Variants in SLC47A2 observed in about 807,000 individuals in gnomAD.
SLC47A2 encodes solute carrier family 47 member 2.
A neutral mutation model predicts 67.7 loss-of-function variants in SLC47A2; 52 were observed. The observed-to-expected ratio is 0.77, with a 90% CI of 0.61 to 0.97. The LOEUF is 0.97. Ranked by LOEUF, SLC47A2 falls within the 50% of genes least tolerant of loss-of-function variation. SLC47A2 has a pLI of 0.00. For missense variants in SLC47A2, 676 were observed against 712.3 expected (o/e 0.95, Z 0.58); for synonymous variants, 278 against 292.9 (o/e 0.95, Z 0.52).
At chr17:19,696,779 A>G (rs539287083) in intron 13 of SLC47A2, among the ~76,000 whole-genome samples, 2 of 152,306 alleles carry the variant, frequency 1.3e-5, no homozygotes, top group East Asian at 3.9e-4. Context: ...ATAACATAAT[A>G]CCCTAGACTG....
chr17:19,689,438 T>A (rs1217789902), intron 13 of SLC47A2, among the ~76,000 whole-genome samples: 36 of 152,326 alleles, frequency 2.4e-4, no homozygotes, highest in Admixed American at 5.9e-4. Flanking sequence ...GGCTTATGCC[T>A]GTAATCCTAG....
At chr17:19,702,261 G>A in intron 13 of SLC47A2, 1 of 985,356 alleles carries the variant, frequency 1.0e-6, no homozygotes, top group Non-Finnish European at 1.2e-6. Flanking sequence ...GGATATGGTT[G>A]CCATTCAGCT....
intron 4 of SLC47A2, among the ~76,000 whole-genome samples, chr17:19,713,417 ATCATC>A (rs1567637611): frequency 4.7e-5 from 7 of 149,162 alleles, no homozygotes; most frequent in African/African-American, 1.8e-4. Context: ...AATAATAATC[ATCATC>A]ATCATCATCA....
intron 13 of SLC47A2, among the ~76,000 whole-genome samples, chr17:19,684,110 G>C (rs985749777): frequency 1.3e-5 from 2 of 152,166 alleles, no homozygotes; most frequent in Non-Finnish European, 2.9e-5. Context: ...ATGGAGTCTT[G>C]CTATGTTACC....
At position 19,685,664 on chromosome 17, in the gene SLC47A2, C is replaced by T. The variant is rs1479031905; in HGVS notation, c.1165-3994G>A. Among the ~76,000 whole-genome samples the T allele has an allele frequency of 1.3e-5, 2 of 152,274 alleles. No individual in the cohort carries two copies. The highest frequency in any genetic ancestry group is 2.4e-5 in the African/African-American group (1 of 41,556). ...AAGTACCCAGGGACACAAACAGGGC[C>T]GAAGGCCGCAGGGACCTCTGCCTAG... On this transcript the variant is annotated intron_variant, in intron 13 of 16. Coordinates refer to ENST00000433844, the MANE Select transcript of SLC47A2 (RefSeq NM_001099646.3). This position sits in a 1 kb window ranked among gnomAD's most constrained non-coding sequence, Gnocchi z 4.5.
intron 13 of SLC47A2, among the ~76,000 whole-genome samples, chr17:19,698,318 A>G (rs2085710541): frequency 6.6e-6 from 1 of 152,114 alleles, no homozygotes; most frequent in Non-Finnish European, 1.5e-5. Flanking sequence ...ACTTTCATAC[A>G]TGTTAGCTCA....
In SLC47A2 at chr17:19,708,385, G is replaced by A. The variant is rs943370411; in HGVS notation, c.546C>T (p.Pro182=). The A allele has an allele frequency of 3.1e-6, 5 of 1,613,956 alleles. No individual in the cohort carries two copies. In the African/African-American group the frequency reaches 6.7e-5, roughly 22 times the overall value. The change falls in exon 7 of 17, where the codon CCC becomes CCT. Residue 182 remains proline (P), a synonymous_variant. Coordinates refer to ENST00000433844, the MANE Select transcript of SLC47A2 (RefSeq NM_001099646.3). ...TGCCCACCACACCACTGAGGACTTGGGGCCAGGTGATCTTCTGAAATAAAT... is the reference window on the plus strand; with the variant it reads ...TGCCCACCACACCACTGAGGACTTGAGGCCAGGTGATCTTCTGAAATAAAT... ...KYLQNQKITW[P]QVLSGVVGNC...
chr17:19,703,583 C>T (rs934262083), intron 11 of SLC47A2, among the ~76,000 whole-genome samples: 4 of 152,324 alleles, frequency 2.6e-5, no homozygotes, highest in East Asian at 1.9e-4. Context: ...ACAGGGAAGC[C>T]GGTCTGAGCC....
intron 15 of SLC47A2, among the ~76,000 whole-genome samples, chr17:19,680,643 T>C (rs1158367961): frequency 1.3e-5 from 2 of 152,146 alleles, no homozygotes; most frequent in African/African-American, 4.8e-5. Context: ...GTGCCTTTGC[T>C]GTGCCTGAGA....
intron 13 of SLC47A2, among the ~76,000 whole-genome samples, chr17:19,688,660 TG>T (rs2152341958): frequency 6.6e-6 from 1 of 152,156 alleles, no homozygotes; most frequent in Non-Finnish European, 1.5e-5. Flanking sequence ...GGGACTTCTC[TG>T]CCTCATCCTC....
chr17:19,714,916 G>C, intron 2 of SLC47A2, 127 bp from the exon 3 acceptor site: 4 of 1,382,746 alleles, frequency 2.9e-6, no homozygotes, highest in Non-Finnish European at 4.1e-6. Flanking sequence ...GCTCTGCTCA[G>C]CAGCCTCATG....
At chr17:19,692,630 T>C (rs898663872) in intron 13 of SLC47A2, among the ~76,000 whole-genome samples, 1 of 152,242 alleles carries the variant, frequency 6.6e-6, no homozygotes, top group African/African-American at 2.4e-5. Flanking sequence ...ATGTCAGTTC[T>C]TCACAAACTC....
At chr17:19,700,885 G>T (rs186799402) in intron 13 of SLC47A2, among the ~76,000 whole-genome samples, 1 of 152,052 alleles carries the variant, frequency 6.6e-6, no homozygotes, top group Non-Finnish European at 1.5e-5. Flanking sequence ...CAGTATCCAG[G>T]CCAGGTGCGG....
chr17:19,698,555 T>A (rs1304801256), intron 13 of SLC47A2, among the ~76,000 whole-genome samples: 1 of 152,156 alleles, frequency 6.6e-6, no homozygotes, highest in Non-Finnish European at 1.5e-5. Flanking sequence ...TTCGCCATGT[T>A]GGCCAGGCTG....
At chr17:19,716,608 T>G (rs1164815979), upstream of SLC47A2, 1 of 1,514,536 alleles carries the variant, frequency 6.6e-7, no homozygotes, top group East Asian at 2.4e-5. Context: ...CACGGCCAGC[T>G]TTGTCCAGCG....
intron 13 of SLC47A2, 55 bp from the exon 14 acceptor site, chr17:19,681,725 T>G: frequency 1.3e-6 from 2 of 1,570,448 alleles, no homozygotes; most frequent in South Asian, 2.4e-5. Flanking sequence ...TAAGAGCAGG[T>G]GTCATGCAGC....
chr17:19,689,961 A>T (rs889904380), intron 13 of SLC47A2, among the ~76,000 whole-genome samples: 7 of 152,338 alleles, frequency 4.6e-5, no homozygotes, highest in African/African-American at 1.7e-4. Flanking sequence ...CAGAATAGCT[A>T]AAGCCATCCT....
rs140580048 is a variant in SLC47A2, at chr17:19,685,334, C to T, written c.1165-3664G>A. On this transcript the variant is annotated intron_variant, in intron 13 of 16. Transcript: ENST00000433844. This position sits in a 1 kb window ranked among gnomAD's most constrained non-coding sequence, Gnocchi z 4.5. ...TCTGGGATGTGAGGAGCCCCTGTGCCTGGCCACCCCATCTGGGAAGTGAGG... is the reference window on the plus strand; with the variant it reads ...TCTGGGATGTGAGGAGCCCCTGTGCTTGGCCACCCCATCTGGGAAGTGAGG... Among the ~76,000 whole-genome samples, 3 of 152,260 alleles carry T rather than the reference C, an allele frequency of 2.0e-5. No homozygotes were observed. The highest frequency in any genetic ancestry group is 7.2e-5 in the African/African-American group (3 of 41,554).
intron 12 of SLC47A2, among the ~76,000 whole-genome samples, 176 bp from the exon 13 acceptor site, chr17:19,702,850 T>A (rs1159930180): frequency 1.3e-5 from 2 of 152,206 alleles, no homozygotes; most frequent in African/African-American, 2.4e-5. Flanking sequence ...GGGTCACACC[T>A]AAAACTTCAG....
Sources: gnomAD v4.1 joint callset for allele counts (sites outside exome capture counted in the v4.1 genomes callset) on GRCh38, gnomAD v4.1.1 for gene constraint, Gnocchi (gnomAD v3.1) non-coding constraint, MANE v1.5 for transcripts, NCBI Gene and HGNC (gene_info 2026-07-23, HGNC 2026-07-21) for gene names.